The following GRM5 variants were observed in gnomAD, a reference collection of about 807,000 sequenced individuals.
The protein encoded by GRM5 is metabotropic glutamate receptor 5.
Under a neutral mutation model 83.1 loss-of-function variants are expected in GRM5, and 19 were observed. The observed-to-expected ratio is 0.23, with a 90% CI of 0.16 to 0.34. The LOEUF is 0.34. Ranked by LOEUF, GRM5 falls within the 10% of genes least tolerant of loss-of-function variation. GRM5 has a pLI of 1.00. For synonymous variants in GRM5, 675 were observed against 633.6 expected (o/e 1.07, Z -0.98); for missense variants, 1,160 against 1,588.3 (o/e 0.73, Z 4.58).
intron 2 of GRM5, among the ~76,000 whole-genome samples, chr11:88,887,069 C>G (rs1221676991): frequency 7.2e-5 from 11 of 152,176 alleles, no homozygotes; most frequent in African/African-American, 2.4e-5. Context: ...AACCAATTCT[C>G]TCCCTTTTTG....
intron 3 of GRM5, among the ~76,000 whole-genome samples, chr11:88,704,815 A>G (rs370239898): frequency 6.6e-6 from 1 of 151,924 alleles, no homozygotes; most frequent in Non-Finnish European, 1.5e-5. Context: ...TTCTCTCCTA[A>G]CTACCATTTC....
chr11:89,000,765 A>C (rs1376549686), intron 2 of GRM5, among the ~76,000 whole-genome samples: 1 of 152,102 alleles, frequency 6.6e-6, no homozygotes, highest in East Asian at 1.9e-4. Context: ...AAATCAACAA[A>C]AAATAAGCTA....
At chr11:88,725,815 C>T (rs1941666073) in intron 3 of GRM5, among the ~76,000 whole-genome samples, 1 of 152,094 alleles carries the variant, frequency 6.6e-6, no homozygotes, top group African/African-American at 2.4e-5. Context: ...AGAAGGAAAA[C>T]TAACAAACAG....
chr11:88,590,565 A>T, intron 7 of GRM5, 36 bp downstream of exon 7: 1 of 1,586,788 alleles, frequency 6.3e-7, no homozygotes, highest in South Asian at 1.1e-5. Flanking sequence ...ACCATTTTTC[A>T]GTTAATTTAT....
At chr11:89,009,370 G>T (rs1422098504) in intron 2 of GRM5, among the ~76,000 whole-genome samples, 2 of 152,086 alleles carry the variant, frequency 1.3e-5, no homozygotes, top group African/African-American at 4.8e-5. Flanking sequence ...ATTACATCCA[G>T]CTTTATTTTA....
At chr11:89,033,885 AT>A (rs1199344254) in intron 2 of GRM5, among the ~76,000 whole-genome samples, 1 of 151,954 alleles carries the variant, frequency 6.6e-6, no homozygotes, top group African/African-American at 2.4e-5. Flanking sequence ...TAAAAATAAG[AT>A]TGAGAATTTC....
At chr11:88,864,345 G>A (rs918133945) in intron 2 of GRM5, among the ~76,000 whole-genome samples, 8 of 151,742 alleles carry the variant, frequency 5.3e-5, no homozygotes, top group Non-Finnish European at 1.0e-4. Flanking sequence ...GTACAGTGGC[G>A]CTCCAGAAGG....
At chr11:89,024,956 T>TA (rs1027652299) in intron 2 of GRM5, among the ~76,000 whole-genome samples, 6 of 152,268 alleles carry the variant, frequency 3.9e-5, no homozygotes, top group East Asian at 1.9e-4. Flanking sequence ...ATTTTTCCAC[T>TA]AAAAAAGATT....
At chr11:88,989,341 T>G (rs200191832) in intron 2 of GRM5, among the ~76,000 whole-genome samples, 65,577 of 116,922 alleles carry the variant, frequency 0.56, 20,396 homozygotes, top group African/African-American at 0.8. Context: ...CCCAATACAG[T>G]AGCACCCAGA....
intron 3 of GRM5, among the ~76,000 whole-genome samples, chr11:88,843,525 T>C (rs938460254): frequency 1.8e-4 from 27 of 152,104 alleles, no homozygotes; most frequent in African/African-American, 5.8e-4. Flanking sequence ...TGTACTTCCG[T>C]CTCTCTCCCT....
chr11:88,836,293 C>A (rs150076547), intron 3 of GRM5, among the ~76,000 whole-genome samples: 1 of 152,140 alleles, frequency 6.6e-6, no homozygotes, highest in Non-Finnish European at 1.5e-5. Flanking sequence ...TCAATGAATG[C>A]GACTATGTTC....
At chr11:88,725,116 G>A (rs550334794) in intron 3 of GRM5, among the ~76,000 whole-genome samples, 1 of 152,294 alleles carries the variant, frequency 6.6e-6, no homozygotes, top group African/African-American at 2.4e-5. Flanking sequence ...ATGGAGCCCA[G>A]CAAGCTAAGA....
At chr11:88,908,006 C>T (rs775647187) in intron 2 of GRM5, among the ~76,000 whole-genome samples, 6 of 151,944 alleles carry the variant, frequency 3.9e-5, no homozygotes, top group Non-Finnish European at 4.4e-5. Flanking sequence ...CAGCATAAGT[C>T]AATTTTGGAG....
intron 8 of GRM5, among the ~76,000 whole-genome samples, chr11:88,561,420 T>C (rs1219031202): frequency 6.6e-6 from 1 of 152,142 alleles, no homozygotes; most frequent in Admixed American, 6.6e-5. Context: ...CTGAGAAAAT[T>C]TATAACTTCC....
chr11:89,048,115 G>A, intron 1 of GRM5, 43 bp from the exon 2 acceptor site: 1 of 457,756 alleles, frequency 2.2e-6, no homozygotes, highest in Non-Finnish European at 3.9e-6. Context: ...AAACATAAAT[G>A]CAACTAGTTT....
At chr11:88,814,862 G>C (rs568799730) in intron 3 of GRM5, among the ~76,000 whole-genome samples, 1 of 152,092 alleles carries the variant, frequency 6.6e-6, no homozygotes, top group Non-Finnish European at 1.5e-5. Flanking sequence ...ATGGATCAAA[G>C]TGTCAATTCA....
At position 88,871,487 on chromosome 11, in the gene GRM5, GGCAGCAA is replaced by G. The variant is rs1944767301; in HGVS notation, c.662-21339_662-21333del. ...ATAAAGATAACTAGGACTGAAAGAA[GGCAGCAA>G]GACATGGTGGTTAGTAACCTGTAGC... is the stretch of plus-strand genomic sequence containing the variant. On this transcript the variant is annotated intron_variant, in intron 2 of 9. Coordinates refer to ENST00000305447, the MANE Select transcript of GRM5 (RefSeq NM_001143831.3). Among the ~76,000 whole-genome samples, 2 of 151,568 alleles carry G rather than the reference GGCAGCAA, an allele frequency of 1.3e-5. 1 individual carries two copies.
At chr11:88,700,017 C>T (rs1343741617) in intron 3 of GRM5, among the ~76,000 whole-genome samples, 1 of 152,082 alleles carries the variant, frequency 6.6e-6, no homozygotes, top group Non-Finnish European at 1.5e-5. Context: ...AGGAAATCCT[C>T]CCAATGGATA....
intron 2 of GRM5, among the ~76,000 whole-genome samples, chr11:89,042,075 G>T (rs962194830): frequency 1.3e-5 from 2 of 151,992 alleles, no homozygotes; most frequent in African/African-American, 4.8e-5. Flanking sequence ...AGACAGTTTT[G>T]CTTTTGTCAC....
Sources: allele counts gnomAD v4.1 joint callset (sites outside exome capture counted in the v4.1 genomes callset), GRCh38; gene constraint gnomAD v4.1.1; transcripts MANE v1.5; gene names NCBI Gene and HGNC (gene_info 2026-07-23, HGNC 2026-07-21).